The following ZFP82 variants were observed in gnomAD, a reference collection of about 807,000 sequenced individuals.
The protein encoded by ZFP82 is zinc finger protein 82 homolog.
Under a neutral mutation model 54.0 loss-of-function variants are expected in ZFP82, and 30 were observed. That is an observed-to-expected ratio of 0.56 (90% CI 0.42 to 0.75). ZFP82 has a LOEUF of 0.75. Ranked by LOEUF, ZFP82 falls within the 30% of genes least tolerant of loss-of-function variation. The pLI, the probability that ZFP82 is intolerant of heterozygous loss-of-function variation, is 0.00. For synonymous variants in ZFP82, 194 were observed against 209.5 expected (o/e 0.93, Z 0.64); for missense variants, 500 against 636.8 (o/e 0.79, Z 2.31).
chr19:36,408,623 C>G (rs2032525154), intron 2 of ZFP82, among the ~76,000 whole-genome samples: 1 of 152,110 alleles, frequency 6.6e-6, no homozygotes, highest in South Asian at 2.1e-4. Flanking sequence ...AGTTCGAGAC[C>G]AGCCTGACCA....
At chr19:36,414,592 G>C (rs1463299836) in intron 1 of ZFP82, among the ~76,000 whole-genome samples, 1 of 151,868 alleles carries the variant, frequency 6.6e-6, no homozygotes, top group East Asian at 1.9e-4. Flanking sequence ...TCGATCTCCT[G>C]ACCTCGTGAT....
At chr19:36,403,808 A>G (rs1246476556) in intron 4 of ZFP82, among the ~76,000 whole-genome samples, 1 of 152,194 alleles carries the variant, frequency 6.6e-6, no homozygotes, top group Non-Finnish European at 1.5e-5. Flanking sequence ...TCTGTGAACT[A>G]GGAGCTATCT....
chr19:36,387,433 G>A (rs556185584), downstream of ZFP82, among the ~76,000 whole-genome samples: 1 of 152,282 alleles, frequency 6.6e-6, no homozygotes, highest in Non-Finnish European at 1.5e-5. Flanking sequence ...ACAGGAGTGG[G>A]TTCTTTATCA....
At chr19:36,394,163 C>A in intron 4 of ZFP82, 53 bp from the exon 5 acceptor site, 1 of 1,433,414 alleles carries the variant, frequency 7.0e-7, no homozygotes, top group Non-Finnish European at 9.5e-7. Context: ...CTAAAAGAAG[C>A]AACATTTCTA....
At chr19:36,398,142 G>A (rs575046701) in intron 4 of ZFP82, among the ~76,000 whole-genome samples, 9 of 152,126 alleles carry the variant, frequency 5.9e-5, no homozygotes, top group South Asian at 2.1e-4. Context: ...TATAAAGATC[G>A]CTCACAAAAA....
intron 4 of ZFP82, 54 bp downstream of exon 4, chr19:36,405,526 A>G (rs1320986457): frequency 1.5e-6 from 2 of 1,340,966 alleles, no homozygotes; most frequent in African/African-American, 2.9e-5. Context: ...TCTCTTCCCC[A>G]GTGATCTGGG....
intron 3 of ZFP82, 104 bp from the exon 4 acceptor site, chr19:36,405,776 A>G (rs537550177): frequency 4.4e-5 from 29 of 653,960 alleles, no homozygotes; most frequent in African/African-American, 4.0e-4. Context: ...GTAATTAATA[A>G]GGCAAAACAA....
intron 4 of ZFP82, among the ~76,000 whole-genome samples, chr19:36,401,203 T>A: frequency 6.6e-6 from 1 of 152,096 alleles, no homozygotes; most frequent in African/African-American, 2.4e-5. Flanking sequence ...GTTGGTCACA[T>A]CCAGATCCAT....
rs1445678284 is a variant in ZFP82 at position 36,389,725 on chromosome 19, C to A, written c.*3016G>T. On this transcript the variant is annotated 3_prime_UTR_variant, in exon 5 of 5. Coordinates refer to ENST00000392161, the MANE Select transcript of ZFP82 (RefSeq NM_133466.4). ...TCAAATCTTGTATTGACTATGTTTT[C>A]TTTATTTTCTGTATTCCTGATGCTC... Among the ~76,000 whole-genome samples the A allele has an allele frequency of 6.6e-6, 1 of 152,126 alleles. No homozygotes were observed. Among genetic ancestry groups the A allele is most frequent in the African/African-American group, 2.4e-5 (1 of 41,420 alleles).
At chr19:36,404,118 TACCACTATATTG>T (rs1242351778) in intron 4 of ZFP82, among the ~76,000 whole-genome samples, 1 of 152,214 alleles carries the variant, frequency 6.6e-6, no homozygotes, top group Non-Finnish European at 1.5e-5. Flanking sequence ...ATTGGTTGTT[TACCACTATATTG>T]ATAGTGTCTG....
intron 2 of ZFP82, 42 bp from the exon 3 acceptor site, chr19:36,408,055 A>G: frequency 1.2e-6 from 2 of 1,601,760 alleles, no homozygotes; most frequent in African/African-American, 2.7e-5. Context: ...ATGGAAGAAA[A>G]TGTATTTTAA....
chr19:36,402,012 A>G (rs985158702), intron 4 of ZFP82, among the ~76,000 whole-genome samples: 3 of 152,230 alleles, frequency 2.0e-5, no homozygotes, highest in Non-Finnish European at 4.4e-5. Flanking sequence ...GAAAAAAAAT[A>G]CATGGTCTTG....
At chr19:36,414,352 A>G (rs1446913092) in intron 1 of ZFP82, among the ~76,000 whole-genome samples, 1 of 151,010 alleles carries the variant, frequency 6.6e-6, no homozygotes, top group Non-Finnish European at 1.5e-5. Context: ...TAGGCTTGAA[A>G]ATGTAATTCT....
rs373296227 is a variant in ZFP82 at position 36,390,329 on chromosome 19, G to GCCTTTTTTTTTTTTTTTT, written c.*2411_*2412insAAAAAAAAAAAAAAAAGG. Reference sequence around the variant, plus strand: ...CTTTAAAGTGTAGGATTCCATTTTTGTCTTTTTTTTTTTTTTTTTTGACAT... The same window carrying GCCTTTTTTTTTTTTTTTT: ...CTTTAAAGTGTAGGATTCCATTTTTGCCTTTTTTTTTTTTTTTTTCTTTTTTTTTTTTTTTTTTGACAT... On this transcript the variant is annotated 3_prime_UTR_variant, in exon 5 of 5. Transcript: ENST00000392161. 12 of 120,376 alleles carry GCCTTTTTTTTTTTTTTTT rather than the reference G, an allele frequency of 1.0e-4. 4 individuals carry two copies. Among genetic ancestry groups the GCCTTTTTTTTTTTTTTTT allele is most frequent in the Non-Finnish European group, 8.2e-5 (5 of 60,626 alleles). The allele number at this position is 120,376 out of a possible 1,614,324, so 7.5% of individuals were successfully genotyped here. A position where few individuals can be genotyped will look rare whatever the true frequency, so the allele number is the denominator to read the frequency against.
At chr19:36,386,558 G>A (rs980777560), downstream of ZFP82, among the ~76,000 whole-genome samples, 1 of 152,220 alleles carries the variant, frequency 6.6e-6, no homozygotes, top group African/African-American at 2.4e-5. Context: ...AAGCCATGGG[G>A]GCAAGGCTGT....
intron 4 of ZFP82, among the ~76,000 whole-genome samples, chr19:36,397,091 A>ATT (rs35809280): frequency 1.0e-3 from 133 of 132,258 alleles, no homozygotes; most frequent in Non-Finnish European, 1.5e-3. Context: ...GCATAAACCA[A>ATT]TTTTTTTTTT....
rs1307547215 is a variant in ZFP82, at chr19:36,407,986, T to C, written c.37A>G (p.Ile13Val). Residue 13 changes from isoleucine (I) to valine (V), a missense_variant, in exon 3 of 5, where the codon ATA becomes GTA. Ile to Val is a conservative substitution (Grantham distance 29). Transcript: ENST00000392161. The stretch of plus-strand genomic sequence containing the variant: ...TCCCACTCTTCTGGAGAGAAGTCTA[T>C]GGATACATCACTGAACATCACTGAT... The part of the protein sequence containing the change: ...LRSVMFSDVS[I>V]DFSPEEWEYL... 1.1e-5 allele frequency: 18 copies of C among 1,614,020 alleles called. No homozygotes were observed. The highest frequency in any genetic ancestry group is 3.3e-5 in the Admixed American group (2 of 60,004).
chr19:36,414,541 T>C (rs1482096068), intron 1 of ZFP82, among the ~76,000 whole-genome samples: 1 of 151,390 alleles, frequency 6.6e-6, no homozygotes. Context: ...TTTTTTGTAT[T>C]TTAGTACAGA....
At chr19:36,417,723 T>C (rs2032697168) in intron 1 of ZFP82, among the ~76,000 whole-genome samples, 1 of 152,108 alleles carries the variant, frequency 6.6e-6, no homozygotes, top group South Asian at 2.1e-4. Context: ...GCCAGGGTCA[T>C]GGATGCCCGG....
Sources: allele counts gnomAD v4.1 joint callset (sites outside exome capture counted in the v4.1 genomes callset), GRCh38; gene constraint gnomAD v4.1.1; transcripts MANE v1.5; gene names NCBI Gene and HGNC (gene_info 2026-07-23, HGNC 2026-07-21).